SAMD12: variants seen among roughly 807,000 people sequenced by gnomAD.
SAMD12 encodes sterile alpha motif domain containing 12, also known as sterile alpha motif domain-containing protein 12.
SAMD12 carries 9 observed loss-of-function variants against 15.0 expected under a neutral mutation model. The observed-to-expected ratio is 0.60, with a 90% CI of 0.36 to 1.05. The LOEUF (loss-of-function observed/expected upper bound fraction) is 1.05. SAMD12 is among the 50% of genes least tolerant of loss of function. The pLI is 0.01. For synonymous variants in SAMD12, 86 were observed against 90.1 expected, an observed-to-expected ratio of 0.96 and a Z score of 0.25; for missense variants, 230 against 234.2, an observed-to-expected ratio of 0.98 and a Z score of 0.12.
At chr8:118,431,698 G>C (rs1479713214) in intron 3 of SAMD12, among the ~76,000 whole-genome samples, 10 of 150,028 alleles carry the variant, frequency 6.7e-5, no homozygotes, top group Admixed American at 6.6e-5. Context: ...GTGTGTGTGT[G>C]TGTGTGTGTG....
At chr8:118,275,255 A>C (rs76467254) in intron 4 of SAMD12, among the ~76,000 whole-genome samples, 2,466 of 152,204 alleles carry the variant, frequency 0.016, 78 homozygotes, top group African/African-American at 0.056. Context: ...ATGATGAACA[A>C]TTTTCTAATT....
In SAMD12 at chr8:118,238,212, T is replaced by C. The variant is rs193032185; in HGVS notation, c.434-40480A>G. ...CCACTGAGAGGGTTACGTGAGATCATGCATCTGACATTTTACCAGTGTTTG... is the reference window on the plus strand; with the variant it reads ...CCACTGAGAGGGTTACGTGAGATCACGCATCTGACATTTTACCAGTGTTTG... On this transcript the variant is annotated intron_variant, in intron 4 of 4. Coordinates refer to the SAMD12 transcript ENST00000409003. Among the ~76,000 whole-genome samples the C allele has an allele frequency of 2.4e-3, 366 of 152,168 alleles. 3 individuals are homozygous for C. The highest frequency in any genetic ancestry group is 8.4e-3 in the African/African-American group (349 of 41,528).
intron 4 of SAMD12, among the ~76,000 whole-genome samples, chr8:118,223,316 C>T (rs367959445): frequency 2.6e-5 from 4 of 152,258 alleles, no homozygotes; most frequent in South Asian, 2.1e-4. Flanking sequence ...ATTAGGCCCA[C>T]GGATTCAATG....
At chr8:118,382,202 A>G (rs1325595468) in intron 3 of SAMD12, among the ~76,000 whole-genome samples, 1 of 152,216 alleles carries the variant, frequency 6.6e-6, no homozygotes, top group Non-Finnish European at 1.5e-5. Context: ...CCCTCCCAAC[A>G]TAAAAATGTA....
chr8:118,418,676 G>A lies in SAMD12; in HGVS notation c.322+21156C>T, dbSNP rs186627081. Among the ~76,000 whole-genome samples, 248 of 151,182 alleles carry A rather than the reference G, an allele frequency of 1.6e-3. 6 individuals carry two copies. Among genetic ancestry groups the A allele is most frequent in the Admixed American group, 0.015 (220 of 15,128 alleles). ...GGAGCTTGCAGTGAGCCGAGATTGC[G>A]CCACTGCACTCCAGCCTGGGTGACA... is the stretch of plus-strand genomic sequence containing the variant. On this transcript the variant is annotated intron_variant, in intron 3 of 3. Transcript: ENST00000314727.
chr8:118,346,373 A>G (rs1817654661), intron 4 of SAMD12, among the ~76,000 whole-genome samples: 1 of 152,166 alleles, frequency 6.6e-6, no homozygotes, highest in African/African-American at 2.4e-5. Context: ...GTAGAAATGT[A>G]CTAGTCAGTT....
At chr8:118,167,574 C>G in the SAMD12 span, among the ~76,000 whole-genome samples, 1 of 152,266 alleles carries the variant, frequency 6.6e-6, no homozygotes, top group African/African-American at 2.4e-5. Context: ...AAAATGCTAT[C>G]AGGAAGTGGG....
chr8:118,579,059 A>G (rs1260776493), intron 2 of SAMD12, among the ~76,000 whole-genome samples: 1 of 152,214 alleles, frequency 6.6e-6, no homozygotes, highest in Non-Finnish European at 1.5e-5. Context: ...TTCACAATTC[A>G]CATATTCAAG....
the SAMD12 span, among the ~76,000 whole-genome samples, chr8:118,176,761 A>G: frequency 6.6e-6 from 1 of 152,204 alleles, no homozygotes; most frequent in Non-Finnish European, 1.5e-5. Context: ...GTGACACACA[A>G]TTTACACATG....
At chr8:118,475,291 T>C (rs1823923607) in intron 2 of SAMD12, among the ~76,000 whole-genome samples, 1 of 152,062 alleles carries the variant, frequency 6.6e-6, no homozygotes, top group Non-Finnish European at 1.5e-5. Flanking sequence ...TCCCCTCTCT[T>C]GCTGTCTCTC....
At chr8:118,390,822 T>A (rs749350447) in intron 3 of SAMD12, among the ~76,000 whole-genome samples, 3 of 152,184 alleles carry the variant, frequency 2.0e-5, no homozygotes. Context: ...GCAGTTACTG[T>A]AATTTACCAT....
chr8:118,159,477 G>A, the SAMD12 span, among the ~76,000 whole-genome samples: 1 of 152,198 alleles, frequency 6.6e-6, no homozygotes, highest in Non-Finnish European at 1.5e-5. Context: ...CATGAGCCAA[G>A]TGCAGCCTGC....
intron 2 of SAMD12, among the ~76,000 whole-genome samples, chr8:118,494,600 C>T (rs1020311141): frequency 1.1e-4 from 16 of 152,128 alleles, no homozygotes; most frequent in African/African-American, 3.9e-4. Flanking sequence ...CATAGCGCTC[C>T]CTCAGTCCCA....
chr8:118,313,396 A>C (rs1317777672), intron 4 of SAMD12, among the ~76,000 whole-genome samples: 1 of 152,150 alleles, frequency 6.6e-6, no homozygotes, highest in African/African-American at 2.4e-5. Flanking sequence ...CGTACAAAGC[A>C]ACAGCTGCAG....
intron 2 of SAMD12, among the ~76,000 whole-genome samples, chr8:118,538,224 G>A (rs1224197464): frequency 1.3e-5 from 2 of 152,044 alleles, no homozygotes; most frequent in African/African-American, 4.8e-5. Flanking sequence ...CTGGGATTGG[G>A]GAGGGGTGGT....
At chr8:118,397,574 G>A (rs1820646803) in intron 3 of SAMD12, among the ~76,000 whole-genome samples, 1 of 152,054 alleles carries the variant, frequency 6.6e-6, no homozygotes. Context: ...GATATCTTTT[G>A]TTTGACCCCA....
intron 2 of SAMD12, among the ~76,000 whole-genome samples, chr8:118,531,569 G>T (rs1234679626): frequency 6.6e-6 from 1 of 152,198 alleles, no homozygotes; most frequent in Non-Finnish European, 1.5e-5. Context: ...AGCATGGAAT[G>T]TTCTTCCATT....
chr8:118,523,096 G>A (rs956111212), intron 2 of SAMD12, among the ~76,000 whole-genome samples: 8 of 152,084 alleles, frequency 5.3e-5, no homozygotes, highest in African/African-American at 1.9e-4. Flanking sequence ...GAAAATAGCT[G>A]GCCCAGTTGA....
chr8:118,353,781 C>T (rs1335027440), intron 4 of SAMD12, among the ~76,000 whole-genome samples: 2 of 152,022 alleles, frequency 1.3e-5, no homozygotes, highest in East Asian at 3.9e-4. Flanking sequence ...AAGTGCTGGG[C>T]TCTGTGGACT....
Sources: allele counts gnomAD v4.1 joint callset (sites outside exome capture counted in the v4.1 genomes callset), GRCh38; gene constraint gnomAD v4.1.1; transcripts MANE v1.5; gene names NCBI Gene and HGNC (gene_info 2026-07-23, HGNC 2026-07-21).